The following KANK1 variants were observed in gnomAD, a reference collection of about 807,000 sequenced individuals.
KANK1 encodes the protein KN motif and ankyrin repeat domain-containing protein 1.
In KANK1, 109 loss-of-function variants were observed where a neutral mutation model predicts 106.2. The ratio of observed to expected loss-of-function variants is 1.03; its 90% CI spans 0.88 to 1.20. KANK1 has a LOEUF of 1.20. Among genes scored for constraint, KANK1 ranks in the 50% most tolerant of loss-of-function variants. The pLI is 0.00. For missense variants in KANK1, 2,399 were observed against 1,710.7 expected (o/e 1.40, Z -7.10); for synonymous variants, 873 against 652.2 (o/e 1.34, Z -5.16).
intron 11 of KANK1, 137 bp downstream of exon 11, chr9:744,726 T>C (rs980869805): frequency 6.4e-7 from 1 of 1,552,480 alleles, no homozygotes; most frequent in Non-Finnish European, 8.7e-7. Flanking sequence ...GCTTAAGAGT[T>C]CATCCTTTCC....
intron 1 of KANK1, among the ~76,000 whole-genome samples, chr9:543,684 A>G (rs1334302414): frequency 6.6e-6 from 1 of 152,202 alleles, no homozygotes; most frequent in African/African-American, 2.4e-5. Context: ...GAAAATGACC[A>G]TTGTGCATTA....
chr9:600,344 A>G lies in KANK1; in HGVS notation c.-83-76546A>G, dbSNP rs79354513. Among the ~76,000 whole-genome samples the G allele has an allele frequency of 1.6e-3, 242 of 151,862 alleles. 12 individuals are homozygous for G. Among genetic ancestry groups the G allele is most frequent in the African/African-American group, 5.5e-3 (228 of 41,164 alleles). On this transcript the variant is annotated intron_variant, in intron 1 of 11. Transcript: ENST00000382297. ...AGTGTAATGTCCTCAAGGGTCATCTATGTTGTAACATGTGTCCAAATTTCA... is the reference window on the plus strand; with the variant it reads ...AGTGTAATGTCCTCAAGGGTCATCTGTGTTGTAACATGTGTCCAAATTTCA...
At chr9:535,621 C>A (rs2060262494) in intron 1 of KANK1, among the ~76,000 whole-genome samples, 1 of 152,214 alleles carries the variant, frequency 6.6e-6, no homozygotes, top group African/African-American at 2.4e-5. Flanking sequence ...ATACAGTACA[C>A]CTGCTGAGTG....
At chr9:657,124 G>A (rs1345113845) in intron 1 of KANK1, among the ~76,000 whole-genome samples, 4 of 152,138 alleles carry the variant, frequency 2.6e-5, no homozygotes, top group African/African-American at 9.7e-5. Flanking sequence ...TAGAAATTTG[G>A]CTTTTTGTGA....
intron 3 of KANK1, among the ~76,000 whole-genome samples, chr9:479,470 A>G (rs574730450): frequency 3.4e-4 from 51 of 152,204 alleles, no homozygotes; most frequent in Non-Finnish European, 2.4e-4. Flanking sequence ...TGGCCATGTT[A>G]GGTCATTTTC....
chr9:556,447 C>T (rs1023200155), intron 1 of KANK1, among the ~76,000 whole-genome samples: 1 of 152,128 alleles, frequency 6.6e-6, no homozygotes, highest in African/African-American at 2.4e-5. Flanking sequence ...ATCTTAGTCT[C>T]ATGGAGTTAG....
intron 2 of KANK1, among the ~76,000 whole-genome samples, chr9:696,067 G>A (rs1478409392): frequency 2.0e-5 from 3 of 151,996 alleles, no homozygotes; most frequent in Admixed American, 6.5e-5. Flanking sequence ...CCCGGCTCAC[G>A]AGGCCAGGAG....
At chr9:669,933 C>T (rs2138533958) in intron 1 of KANK1, among the ~76,000 whole-genome samples, 1 of 152,102 alleles carries the variant, frequency 6.6e-6, no homozygotes, top group Middle Eastern at 3.4e-3. Context: ...ATTCATTTTA[C>T]TTTTTCTCCT....
At chr9:628,290 G>A (rs1192224074) in intron 1 of KANK1, among the ~76,000 whole-genome samples, 1 of 152,124 alleles carries the variant, frequency 6.6e-6, no homozygotes, top group African/African-American at 2.4e-5. Flanking sequence ...TCCCTTCAGT[G>A]GGTAACTTGT....
chr9:549,636 G>A (rs1312323364), intron 1 of KANK1: 4 of 152,292 alleles, frequency 2.6e-5, no homozygotes, highest in African/African-American at 9.7e-5. Flanking sequence ...TAGCTGTATT[G>A]TGGGAGTGTG....
intron 1 of KANK1, among the ~76,000 whole-genome samples, chr9:648,263 A>G (rs970772877): frequency 6.6e-6 from 1 of 151,848 alleles, no homozygotes; most frequent in Non-Finnish European, 1.5e-5. Flanking sequence ...CAGCCTCCCA[A>G]AGTGCTGAGA....
chr9:593,557 T>G (rs1825517238), intron 1 of KANK1, among the ~76,000 whole-genome samples: 1 of 151,172 alleles, frequency 6.6e-6, no homozygotes, highest in South Asian at 2.1e-4. Flanking sequence ...TTTTGGCTGG[T>G]GGCAAAAAAA....
chr9:709,751 G>C (rs1825417372), intron 2 of KANK1, among the ~76,000 whole-genome samples: 1 of 151,888 alleles, frequency 6.6e-6, no homozygotes. Context: ...AAGTAACTGG[G>C]ATTACAGGCG....
rs139434625 is a variant in KANK1, at chr9:509,573, C to T, written c.-84+4819C>T. ...TCTGACTTTTTAATCCCTGCATATGCCTAAGGATATGCTTTCATTTAATAA... is the reference window on the plus strand; with the variant it reads ...TCTGACTTTTTAATCCCTGCATATGTCTAAGGATATGCTTTCATTTAATAA... On this transcript the variant is annotated intron_variant, in intron 1 of 11. Coordinates refer to ENST00000382297, the MANE Select transcript of KANK1 (RefSeq NM_015158.5). 2.6e-5 allele frequency among the ~76,000 whole-genome samples: 4 copies of T among 152,214 alleles called. No homozygotes were observed. The East Asian group carries it at 5.8e-4, about 22-fold the overall frequency.
chr9:594,815 A>G (rs973291235), intron 1 of KANK1, among the ~76,000 whole-genome samples: 10 of 151,880 alleles, frequency 6.6e-5, no homozygotes, highest in Non-Finnish European at 1.2e-4. Flanking sequence ...AAATATAAAA[A>G]TCTGGAGAGT....
At chr9:508,154 TTG>T (rs1264342324) in intron 1 of KANK1, among the ~76,000 whole-genome samples, 5 of 121,398 alleles carry the variant, frequency 4.1e-5, no homozygotes, top group Non-Finnish European at 4.7e-5. Flanking sequence ...TTTTTTTTTT[TTG>T]AGATGGAGTT....
At chr9:557,152 C>T (rs1194026518) in intron 1 of KANK1, among the ~76,000 whole-genome samples, 1 of 143,542 alleles carries the variant, frequency 7.0e-6, no homozygotes, top group Non-Finnish European at 1.5e-5. Flanking sequence ...CAGTGCACTT[C>T]AGCCTGTGTG....
intron 1 of KANK1, among the ~76,000 whole-genome samples, chr9:650,293 T>A (rs1840598237): frequency 6.6e-6 from 1 of 152,224 alleles, no homozygotes; most frequent in Non-Finnish European, 1.5e-5. Context: ...ATTATTTAAT[T>A]CTTGCAAAGT....
chr9:700,669 A>C (rs561735867), intron 2 of KANK1, among the ~76,000 whole-genome samples: 72 of 152,328 alleles, frequency 4.7e-4, no homozygotes, highest in Middle Eastern at 3.4e-3. Context: ...TCAGCTCTTC[A>C]AGCAAAATCT....
Sources: gnomAD v4.1 joint callset for allele counts (sites outside exome capture counted in the v4.1 genomes callset) on GRCh38, gnomAD v4.1.1 for gene constraint, MANE v1.5 for transcripts, NCBI Gene and HGNC (gene_info 2026-07-23, HGNC 2026-07-21) for gene names.